IGF2BP1: variants seen among roughly 807,000 people sequenced by gnomAD.
The protein encoded by IGF2BP1 is insulin like growth factor 2 mRNA binding protein 1, also known as insulin-like growth factor 2 mRNA-binding protein 1.
IGF2BP1 carries 11 observed loss-of-function variants against 74.9 expected under a neutral mutation model. The observed-to-expected ratio is 0.15, with a 90% CI of 0.09 to 0.24. IGF2BP1 has a LOEUF of 0.24. IGF2BP1 is among the 10% of genes least tolerant of loss of function. The pLI is 1.00. For missense variants in IGF2BP1, 440 were observed against 757.4 expected, an observed-to-expected ratio of 0.58 and a Z score of 4.92; for synonymous variants, 287 against 281.8, an observed-to-expected ratio of 1.02 and a Z score of -0.18.
intron 2 of IGF2BP1, among the ~76,000 whole-genome samples, chr17:48,999,793 C>T (rs2143907127): frequency 6.6e-6 from 1 of 151,990 alleles, no homozygotes. Flanking sequence ...CTTGGCTGTA[C>T]TATCCTTTTC....
intron 2 of IGF2BP1, among the ~76,000 whole-genome samples, chr17:49,019,910 A>G (rs1164644379): frequency 4.2e-5 from 1 of 23,888 alleles, no homozygotes; most frequent in African/African-American, 3.1e-4. Context: ...TAATTTATAT[A>G]TATATATATA....
At chr17:49,028,772 C>T (rs919064605) in intron 4 of IGF2BP1, among the ~76,000 whole-genome samples, 2 of 152,120 alleles carry the variant, frequency 1.3e-5, no homozygotes, top group African/African-American at 4.8e-5. Flanking sequence ...GAGTGAGGTC[C>T]ATTCTTTCTA....
intron 6 of IGF2BP1, among the ~76,000 whole-genome samples, chr17:49,038,874 A>ATCTTTTTTTTTTTTTTTTTTTTTTTTTT (rs1491495832): frequency 1.3e-5 from 1 of 75,272 alleles, no homozygotes; most frequent in Admixed American, 1.4e-4. Context: ...TCTTTCTTTA[A>ATCTTTTTTTTTTTTTTTTTTTTTTTTTT]TATTTTTTTT....
intron 2 of IGF2BP1, among the ~76,000 whole-genome samples, chr17:49,007,566 G>A (rs2041564947): frequency 2.0e-5 from 3 of 152,194 alleles, no homozygotes; most frequent in African/African-American, 7.2e-5. Context: ...TAACAGGCTT[G>A]TGACTTTAAT....
chr17:49,034,172 C>T (rs532911133), intron 5 of IGF2BP1, among the ~76,000 whole-genome samples: 126 of 137,990 alleles, frequency 9.1e-4, no homozygotes, highest in African/African-American at 3.3e-3. Flanking sequence ...TGCAGTGGTG[C>T]GATCTCTCTT....
intron 8 of IGF2BP1, 72 bp from the exon 9 acceptor site, chr17:49,042,170 C>G: frequency 6.3e-7 from 1 of 1,599,246 alleles, no homozygotes; most frequent in Non-Finnish European, 8.5e-7. Context: ...CAGCTGGCCT[C>G]TCGTCTTTGT....
chr17:49,002,943 T>A (rs2041504084), intron 2 of IGF2BP1, among the ~76,000 whole-genome samples: 1 of 152,194 alleles, frequency 6.6e-6, no homozygotes, highest in Non-Finnish European at 1.5e-5. Context: ...GGCAACTGAC[T>A]GTCCCTTAGA....
chr17:49,033,846 CT>C (rs2041951845), intron 5 of IGF2BP1, among the ~76,000 whole-genome samples: 1 of 150,456 alleles, frequency 6.6e-6, no homozygotes. Context: ...TTTTGAGACA[CT>C]CTCTCCCTGT....
intron 2 of IGF2BP1, among the ~76,000 whole-genome samples, chr17:49,002,874 C>A (rs1409469341): frequency 6.6e-6 from 1 of 152,052 alleles, no homozygotes; most frequent in Non-Finnish European, 1.5e-5. Flanking sequence ...TGGTAGAAAT[C>A]CTTAACTGTT....
In IGF2BP1 at chr17:49,038,320, CG is replaced by C; in HGVS notation, c.559del (p.Ala187ProfsTer43). ...GQPRQGSPVA[A>X]GAPAKQQQVD... is the part of the protein sequence containing the mutation. ...CCCCGCCAGGGCTCACCTGTGGCAG[CG>C]GGGGCCCCAGCCAAGCAGCAGCAAG... On this transcript the variant is annotated frameshift_variant, in exon 6 of 15. Coordinates refer to ENST00000290341, the MANE Select transcript of IGF2BP1 (RefSeq NM_006546.4). LOFTEE classifies it high-confidence loss of function. The C allele has an allele frequency of 1.9e-6, 3 of 1,605,358 alleles. No homozygotes were observed. The highest frequency in any genetic ancestry group is 1.7e-5 in the Admixed American group (1 of 58,384).
At chr17:49,025,377 C>T (rs913377441) in intron 2 of IGF2BP1, among the ~76,000 whole-genome samples, 35 of 141,284 alleles carry the variant, frequency 2.5e-4, no homozygotes, top group African/African-American at 6.5e-4. Flanking sequence ...TAACAGAGTG[C>T]TTAGAACACC....
intron 2 of IGF2BP1, among the ~76,000 whole-genome samples, chr17:49,006,070 A>G (rs192642649): frequency 3.7e-4 from 56 of 152,346 alleles, no homozygotes; most frequent in Middle Eastern, 3.4e-3. Context: ...AAACAAAAAC[A>G]AAAACCAACT....
intron 2 of IGF2BP1, among the ~76,000 whole-genome samples, chr17:49,015,968 C>A (rs1412080649): frequency 6.6e-6 from 1 of 152,200 alleles, no homozygotes; most frequent in Non-Finnish European, 1.5e-5. Flanking sequence ...CCCTTTCACC[C>A]CACTAACAAA....
intron 4 of IGF2BP1, among the ~76,000 whole-genome samples, chr17:49,027,526 C>T (rs973522320): frequency 2.6e-5 from 4 of 152,048 alleles, no homozygotes; most frequent in Admixed American, 2.6e-4. Flanking sequence ...AGTAGGCCCA[C>T]AGAAGGAAAA....
chr17:49,049,552 G>A lies in IGF2BP1; in HGVS notation c.*108G>A, dbSNP rs959793912. On this transcript the variant is annotated 3_prime_UTR_variant, in exon 15 of 15. Transcript: ENST00000290341. The stretch of plus-strand genomic sequence containing the variant: ...AGTGGGAATCCGGGACACCTGGGCC[G>A]GGCTGTAGATCAGGTTTGCCCACTT... 1.3e-5 allele frequency: 11 copies of A among 877,864 alleles called. No individual in the cohort carries two copies. The highest frequency in any genetic ancestry group is 3.3e-4 in the Middle Eastern group (1 of 3,020). The allele number at this position is 877,864 out of a possible 1,614,324, so 54.4% of individuals were successfully genotyped here. A position where few individuals can be genotyped will look rare whatever the true frequency, so the allele number is the denominator to read the frequency against.
chr17:49,041,463 G>T lies in IGF2BP1; in HGVS notation c.904G>T (p.Val302Leu). 6.2e-7 allele frequency: 1 copy of T among 1,614,102 alleles called. No individual in the cohort carries two copies. The highest frequency in any genetic ancestry group is 8.5e-7 in the Non-Finnish European group (1 of 1,180,012). Residue 302 changes from valine (V) to leucine (L), a missense_variant, in exon 8 of 15, where the codon GTA (valine) becomes TTA (leucine). Around this residue, in one of 5 missense-constraint regions of IGF2BP1, gnomAD observed 184 missense variants for 273.4 expected, o/e 0.67. Coordinates refer to ENST00000290341, the MANE Select transcript of IGF2BP1 (RefSeq NM_006546.4). ...CAAGGAAGGACGGAACCTGAAGAAG[G>T]TAGAGCAAGATACCGAGACAAAAAT... Reference protein sequence around the residue: ...IGKEGRNLKKVEQDTETKITI... With the variant: ...IGKEGRNLKKLEQDTETKITI...
intron 2 of IGF2BP1, among the ~76,000 whole-genome samples, chr17:49,024,083 A>AG (rs2041823249): frequency 1.3e-5 from 1 of 78,094 alleles, no homozygotes; most frequent in African/African-American, 4.9e-5. Flanking sequence ...CACCCTGCTA[A>AG]TTTTTTTTTT....
chr17:48,999,031 A>G lies in IGF2BP1; in HGVS notation c.176-78A>G, dbSNP rs948246730. The G allele has an allele frequency of 1.8e-5, 15 of 831,654 alleles. No homozygotes were observed. In the South Asian group the frequency reaches 1.9e-4, roughly 10 times the overall value. The allele number at this position is 831,654 out of a possible 1,614,324, so 51.5% of individuals were successfully genotyped here. A position where few individuals can be genotyped will look rare whatever the true frequency, so the allele number is the denominator to read the frequency against. ...ATCCCAGTAACTCCTGAATTATCCT[A>G]GTGTCTTTTCCCCTTCCTCTTCCCA... On this transcript the variant is annotated intron_variant, in intron 1 of 14. Transcript: ENST00000290341.
At chr17:49,039,348 C>T (rs145845203) in intron 6 of IGF2BP1, among the ~76,000 whole-genome samples, 1 of 152,272 alleles carries the variant, frequency 6.6e-6, no homozygotes, top group East Asian at 1.9e-4. Flanking sequence ...AGCTTTGGAG[C>T]TGTGGGCTGG....
Sources: allele counts gnomAD v4.1 joint callset (sites outside exome capture counted in the v4.1 genomes callset), GRCh38; gene constraint gnomAD v4.1.1; regional missense constraint gnomAD v4.1.1; transcripts MANE v1.5; gene names NCBI Gene and HGNC (gene_info 2026-07-23, HGNC 2026-07-21).